The following ZBTB7B variants were observed in gnomAD, a reference collection of about 807,000 sequenced individuals.
The protein encoded by ZBTB7B is zinc finger and BTB domain containing 7B, also known as zinc finger and BTB domain-containing protein 7B.
In ZBTB7B, 8 loss-of-function variants were observed where a neutral mutation model predicts 31.0. The observed-to-expected ratio is 0.26, with a 90% CI of 0.15 to 0.47. The LOEUF is 0.47. ZBTB7B is among the 20% of genes least tolerant of loss of function. ZBTB7B has a pLI of 0.99. For missense variants in ZBTB7B, 494 were observed against 742.4 expected (o/e 0.67, Z 3.89); for synonymous variants, 261 against 307.3 (o/e 0.85, Z 1.58).
chr1:155,012,943 G>A (rs1659101637), intron 1 of ZBTB7B, among the ~76,000 whole-genome samples: 1 of 151,986 alleles, frequency 6.6e-6, no homozygotes, highest in Non-Finnish European at 1.5e-5. Flanking sequence ...TATTACATAT[G>A]AGGAACAGGC....
Position 155,015,387 on chromosome 1 carries a change from G to T in ZBTB7B, c.727G>T (p.Gly243Cys). 6.4e-7 allele frequency: 1 copy of T among 1,572,294 alleles called. No individual in the cohort carries two copies. The change falls in exon 2 of 3, where the codon GGC (glycine) becomes TGC (cysteine). Residue 243 changes from glycine (G) to cysteine (C), a missense_variant. This residue lies in a region of ZBTB7B where 216 missense variants were observed against 229.3 expected (regional missense o/e 0.94). Coordinates refer to ENST00000535420, the MANE Select transcript of ZBTB7B (RefSeq NM_001256455.2). Reference protein sequence around the residue: ...YEEEEVAGRVGSSGGSGPGDS... With the variant: ...YEEEEVAGRVCSSGGSGPGDS... ...GGAGGAGGAGGTGGCGGGCAGAGTG[G>T]GCAGCAGTGGGGGCAGTGGGCCGGG...
intron 1 of ZBTB7B, among the ~76,000 whole-genome samples, chr1:155,009,579 C>A (rs553209333): frequency 6.6e-6 from 1 of 152,230 alleles, no homozygotes; most frequent in Non-Finnish European, 1.5e-5. Context: ...CTCTGACGGG[C>A]AGAGAGGCAC....
intron 1 of ZBTB7B, among the ~76,000 whole-genome samples, chr1:155,011,339 C>T (rs1368942248): frequency 6.6e-6 from 1 of 152,254 alleles, no homozygotes; most frequent in Non-Finnish European, 1.5e-5. Context: ...TGGCCTCCAC[C>T]TTTTGGTTTC....
rs919415007 is a variant in ZBTB7B at position 155,003,363 on chromosome 1, C to A, written c.-7+420C>A. Among the ~76,000 whole-genome samples, 9 of 152,060 alleles carry A rather than the reference C, an allele frequency of 5.9e-5. No individual in the cohort carries two copies. The highest frequency in any genetic ancestry group is 1.7e-4 in the African/African-American group (7 of 41,440). On this transcript the variant is annotated intron_variant, in intron 1 of 2. Transcript: ENST00000535420. This position sits in a 1 kb window ranked among gnomAD's most constrained non-coding sequence, Gnocchi z 5.8. ...TCTAACTAGGACAACGCGCACCCCC[C>A]CCCCACCCCGCGCCCCCTGGCGCGG...
rs1659263152 is a variant in ZBTB7B, at chr1:155,015,138, C to T, written c.478C>T (p.Arg160Cys). ...GGACGAGGATGACTGTGAGCGAGCC[C>T]GCCAGTATCTGGAGGCCTTTGCCAC... Reference protein sequence around the residue: ...SPDEDDCERARQYLEAFATAT... With the variant: ...SPDEDDCERACQYLEAFATAT... Residue 160 changes from arginine to cysteine, a missense_variant, in exon 2 of 3, where the codon CGC becomes TGC. Physicochemically the swap from Arg to Cys is radical, Grantham distance 180 (BLOSUM62 -3). Transcript: ENST00000535420. The T allele has an allele frequency of 1.2e-6, 2 of 1,613,682 alleles. No homozygotes were observed. The highest frequency in any genetic ancestry group is 1.7e-6 in the Non-Finnish European group (2 of 1,180,014).
At chr1:155,015,926 A>C in intron 2 of ZBTB7B, 112 bp downstream of exon 2, 3 of 1,357,144 alleles carry the variant, frequency 2.2e-6, no homozygotes, top group Non-Finnish European at 3.0e-6. Context: ...TCCTGGAGGG[A>C]CTGGGGCATG....
intron 1 of ZBTB7B, among the ~76,000 whole-genome samples, chr1:155,008,029 T>C (rs909967923): frequency 1.3e-5 from 2 of 151,998 alleles, no homozygotes; most frequent in Non-Finnish European, 2.9e-5. Flanking sequence ...CTCTCCTGAG[T>C]TGCCCCTCAG....
Position 155,015,618 on chromosome 1 carries a change from T to G in ZBTB7B, c.958T>G (p.Ser320Ala), listed in dbSNP as rs757704848. The G allele has an allele frequency of 6.2e-7, 1 of 1,613,568 alleles. No homozygotes were observed. The highest frequency in any genetic ancestry group is 1.1e-5 in the South Asian group (1 of 91,058). ...IDPDLMAYLS[S>A]LHQDNLAPGL... ...TCCTGACCTGATGGCCTACCTAAGCTCCCTGCACCAGGACAACCTGGCACC... is the reference window on the plus strand; with the variant it reads ...TCCTGACCTGATGGCCTACCTAAGCGCCCTGCACCAGGACAACCTGGCACC... Residue 320 changes from serine to alanine, a missense_variant, in exon 2 of 3, where the codon TCC becomes GCC. Coordinates refer to ENST00000535420, the MANE Select transcript of ZBTB7B (RefSeq NM_001256455.2).
chr1:155,015,979 C>G (rs1453447767), intron 2 of ZBTB7B, among the ~76,000 whole-genome samples, 165 bp downstream of exon 2: 3 of 152,074 alleles, frequency 2.0e-5, no homozygotes, highest in African/African-American at 7.2e-5. Flanking sequence ...AACAAGCCAG[C>G]AGGGGGTGGA....
At position 155,017,635 on chromosome 1, in the gene ZBTB7B, G is replaced by T. The variant is rs984112167; in HGVS notation, c.*950G>T. ...TGGGACAGGGTAAGGGGTTGGAAGA[G>T]CCTTGTGGAGAGCGGGCGAGCCGGC... On this transcript the variant is annotated 3_prime_UTR_variant, in exon 3 of 3. Transcript: ENST00000535420. 1 of 152,390 alleles carries T rather than the reference G, an allele frequency of 6.6e-6. No homozygotes were observed. The highest frequency in any genetic ancestry group is 1.5e-5 in the Non-Finnish European group (1 of 68,144). 9.4% of individuals were successfully genotyped at this position (152,390 alleles called of 1,614,324 possible). A position where few individuals can be genotyped will look rare whatever the true frequency, so the allele number is the denominator to read the frequency against.
At position 155,017,348 on chromosome 1, in the gene ZBTB7B, G is replaced by GGGGGCAGTAGAGGGGCCCCA. The variant is rs1553257663; in HGVS notation, c.*682_*683insAGGGGCAGTAGAGGGGCCCC. On this transcript the variant is annotated 3_prime_UTR_variant, in exon 3 of 3. Coordinates refer to ENST00000535420, the MANE Select transcript of ZBTB7B (RefSeq NM_001256455.2). ...TGGCCTGATTGGCTCGCCTGCCCCT[G>GGGGGCAGTAGAGGGGCCCCA]GGGGCAGTAGAGGGGCCCCGCCCAG... The GGGGGCAGTAGAGGGGCCCCA allele has an allele frequency of 5.7e-5, 6 of 104,936 alleles. No homozygotes were observed. Among genetic ancestry groups the GGGGGCAGTAGAGGGGCCCCA allele is most frequent in the African/African-American group, 2.0e-4 (6 of 29,682 alleles). 6.5% of individuals were successfully genotyped at this position (104,936 alleles called of 1,614,324 possible). A position where few individuals can be genotyped will look rare whatever the true frequency, so the allele number is the denominator to read the frequency against.
At chr1:155,012,684 A>C (rs1199416139) in intron 1 of ZBTB7B, among the ~76,000 whole-genome samples, 9 of 151,930 alleles carry the variant, frequency 5.9e-5, no homozygotes, top group Non-Finnish European at 2.9e-5. Flanking sequence ...CTGCTCACCC[A>C]AGGTTTCTGT....
At chr1:155,005,645 C>G (rs1270528510) in intron 1 of ZBTB7B, among the ~76,000 whole-genome samples, 1 of 152,244 alleles carries the variant, frequency 6.6e-6, no homozygotes, top group African/African-American at 2.4e-5. Flanking sequence ...AGAGTTAAGA[C>G]TGCCCTGACA....
rs1659517034 is a variant in ZBTB7B at position 155,017,357 on chromosome 1, A to AGAGGGGCCCCGCC, written c.*673_*685dup. On this transcript the variant is annotated 3_prime_UTR_variant, in exon 3 of 3. Transcript: ENST00000535420. ...TGGCTCGCCTGCCCCTGGGGGCAGTAGAGGGGCCCCGCCCAGCTAGGGGAG... is the reference window on the plus strand; with the variant it reads ...TGGCTCGCCTGCCCCTGGGGGCAGTAGAGGGGCCCCGCCGAGGGGCCCCGCCCAGCTAGGGGAG... The AGAGGGGCCCCGCC allele has an allele frequency of 6.6e-6, 1 of 152,332 alleles. No homozygotes were observed. Among genetic ancestry groups the AGAGGGGCCCCGCC allele is most frequent in the Non-Finnish European group, 1.5e-5 (1 of 68,284 alleles). 9.4% of individuals were successfully genotyped at this position (152,332 alleles called of 1,614,324 possible).
In ZBTB7B at chr1:155,003,522, T is replaced by G. The variant is rs1658376101; in HGVS notation, c.-7+579T>G. Among the ~76,000 whole-genome samples the G allele has an allele frequency of 6.6e-6, 1 of 152,136 alleles. No individual in the cohort carries two copies. Among genetic ancestry groups the G allele is most frequent in the African/African-American group, 2.4e-5 (1 of 41,416 alleles). On this transcript the variant is annotated intron_variant, in intron 1 of 2. Coordinates refer to ENST00000535420, the MANE Select transcript of ZBTB7B (RefSeq NM_001256455.2). This position sits in a 1 kb window ranked among gnomAD's most constrained non-coding sequence, Gnocchi z 5.8. ...GCGCTCTCTCCAGCGGTAGTGGGGCTCAGCAACAACCTCTGAACCGACATA... is the reference window on the plus strand; with the variant it reads ...GCGCTCTCTCCAGCGGTAGTGGGGCGCAGCAACAACCTCTGAACCGACATA...
intron 1 of ZBTB7B, among the ~76,000 whole-genome samples, chr1:155,012,239 G>T (rs1434247184): frequency 1.3e-5 from 2 of 152,066 alleles, no homozygotes; most frequent in African/African-American, 4.8e-5. Flanking sequence ...GAGAAAGGAG[G>T]CGGGTTTAGC....
Position 155,015,420 on chromosome 1 carries a change from T to C in ZBTB7B, c.760T>C (p.Tyr254His), listed in dbSNP as rs770224864. The C allele has an allele frequency of 4.5e-6, 7 of 1,572,342 alleles. No homozygotes were observed. Among genetic ancestry groups the C allele is most frequent in the Non-Finnish European group, 6.0e-6 (7 of 1,157,150 alleles). Reference protein sequence around the residue: ...SSGGSGPGDSYSPPTGTASPP... With the variant: ...SSGGSGPGDSHSPPTGTASPP... ...TGGGGGCAGTGGGCCGGGGGACAGC[T>C]ACAGCCCTCCCACAGGAACTGCCTC... The change falls in exon 2 of 3, where the codon TAC becomes CAC. Residue 254 changes from tyrosine (Y) to histidine (H), a missense_variant. By Grantham distance (83) the Tyr-to-His change is moderately conservative. Coordinates refer to ENST00000535420, the MANE Select transcript of ZBTB7B (RefSeq NM_001256455.2).
At chr1:155,008,194 C>T (rs1201996559) in intron 1 of ZBTB7B, among the ~76,000 whole-genome samples, 1 of 152,166 alleles carries the variant, frequency 6.6e-6, no homozygotes, top group East Asian at 1.9e-4. Context: ...CAGCTCTGTT[C>T]CCCCTGATCC....
chr1:155,008,520 T>G (rs774942246), intron 1 of ZBTB7B, among the ~76,000 whole-genome samples: 15 of 152,074 alleles, frequency 9.9e-5, no homozygotes, highest in Non-Finnish European at 1.9e-4. Context: ...CTCCTCCCTC[T>G]TCTAGCCACA....
Sources: gnomAD v4.1 joint callset for allele counts (sites outside exome capture counted in the v4.1 genomes callset) on GRCh38, gnomAD v4.1.1 for gene constraint, gnomAD v4.1.1 regional missense constraint, Gnocchi (gnomAD v3.1) non-coding constraint, MANE v1.5 for transcripts, NCBI Gene and HGNC (gene_info 2026-07-23, HGNC 2026-07-21) for gene names.